The following ZNF475 variants were observed in gnomAD, a reference collection of about 807,000 sequenced individuals.
ZNF475 encodes zinc finger protein 475.
chr5:122,179,871 A>G, the ZNF475 span: 1 of 582,914 alleles, frequency 1.7e-6, no homozygotes, highest in Non-Finnish European at 2.8e-6. Context: ...ACAAATAAGA[A>G]AAACAGTTCT....
At chr5:122,170,234 C>T in the ZNF475 span, among the ~76,000 whole-genome samples, 5 of 152,168 alleles carry the variant, frequency 3.3e-5, no homozygotes, top group South Asian at 2.1e-4. Context: ...CTCTAGTTCT[C>T]CAGACAACTG....
At chr5:122,181,720 A>G in the ZNF475 span, among the ~76,000 whole-genome samples, 1 of 152,214 alleles carries the variant, frequency 6.6e-6, no homozygotes, top group Non-Finnish European at 1.5e-5. Context: ...TGGTTCTAAG[A>G]CATAGTCAAT....
At chr5:122,182,647 C>T in the ZNF475 span, 4 of 1,533,452 alleles carry the variant, frequency 2.6e-6, no homozygotes, top group South Asian at 3.6e-5. Context: ...AAGTAAAGCC[C>T]TTTTCTCTCT....
At chr5:122,173,225 T>C in the ZNF475 span, among the ~76,000 whole-genome samples, 1 of 152,228 alleles carries the variant, frequency 6.6e-6, no homozygotes, top group African/African-American at 2.4e-5. Flanking sequence ...ATATTAGTTA[T>C]TGAGTTGTGT....
chr5:122,166,613 A>T, the ZNF475 span, among the ~76,000 whole-genome samples: 4 of 151,900 alleles, frequency 2.6e-5, no homozygotes, highest in African/African-American at 9.7e-5. Flanking sequence ...TGTCCTTGTG[A>T]TTGCTGAAAA....
At chr5:122,167,788 T>G in the ZNF475 span, among the ~76,000 whole-genome samples, 1 of 152,212 alleles carries the variant, frequency 6.6e-6, no homozygotes, top group African/African-American at 2.4e-5. Flanking sequence ...TTCCAAAATT[T>G]CTTATATTCC....
chr5:122,168,632 G>T, the ZNF475 span, among the ~76,000 whole-genome samples: 1 of 152,228 alleles, frequency 6.6e-6, no homozygotes, highest in Non-Finnish European at 1.5e-5. Context: ...AGAATGGCGT[G>T]AACCCAGGAG....
the ZNF475 span, among the ~76,000 whole-genome samples, chr5:122,174,641 C>T: frequency 6.6e-6 from 1 of 152,272 alleles, no homozygotes; most frequent in East Asian, 1.9e-4. Flanking sequence ...CAGTATGTGT[C>T]TTCTGACCTC....
At chr5:122,179,875 C>A in the ZNF475 span, 1 of 573,422 alleles carries the variant, frequency 1.7e-6, no homozygotes, top group Non-Finnish European at 2.9e-6. Context: ...ATAAGAAAAA[C>A]AGTTCTGAAA....
At chr5:122,179,669 C>T in the ZNF475 span, 2 of 1,534,886 alleles carry the variant, frequency 1.3e-6, no homozygotes, top group Non-Finnish European at 1.7e-6. Context: ...ATGAAAACAA[C>T]TTGTTGCCTA....
At chr5:122,175,691 T>G in the ZNF475 span, among the ~76,000 whole-genome samples, 1 of 152,142 alleles carries the variant, frequency 6.6e-6, no homozygotes, top group South Asian at 2.1e-4. Context: ...CTTTTCCCTT[T>G]CTCTAACTTT....
At chr5:122,163,029 C>T in the ZNF475 span, 3 of 152,330 alleles carry the variant, frequency 2.0e-5, no homozygotes, top group East Asian at 5.8e-4. Flanking sequence ...ACAGTTAAAT[C>T]AAATACCTTT....
the ZNF475 span, among the ~76,000 whole-genome samples, chr5:122,176,965 A>C: frequency 6.6e-6 from 1 of 152,158 alleles, no homozygotes; most frequent in Non-Finnish European, 1.5e-5. Context: ...TAACTCTCCC[A>C]TAGATTTGGT....
the ZNF475 span, chr5:122,179,571 C>G: frequency 6.6e-7 from 1 of 1,518,904 alleles, no homozygotes; most frequent in Non-Finnish European, 8.8e-7. Context: ...ACGGCGTCCA[C>G]CAGCAGTTGT....
the ZNF475 span, among the ~76,000 whole-genome samples, chr5:122,179,226 C>CT: frequency 6.6e-6 from 1 of 152,012 alleles, no homozygotes; most frequent in Non-Finnish European, 1.5e-5. Flanking sequence ...TATACGAGCT[C>CT]TTTTTTTGGT....
the ZNF475 span, among the ~76,000 whole-genome samples, chr5:122,168,211 A>G: frequency 6.6e-6 from 1 of 152,004 alleles, no homozygotes; most frequent in East Asian, 1.9e-4. Flanking sequence ...TGCCCAGCTA[A>G]TTTTTGTATT....
chr5:122,173,270 A>G, the ZNF475 span, among the ~76,000 whole-genome samples: 1 of 152,204 alleles, frequency 6.6e-6, no homozygotes, highest in Non-Finnish European at 1.5e-5. Context: ...CTGTGCTATC[A>G]GAGAGGTCAT....
the ZNF475 span, among the ~76,000 whole-genome samples, chr5:122,177,830 T>C: frequency 6.6e-6 from 1 of 152,162 alleles, no homozygotes; most frequent in South Asian, 2.1e-4. Context: ...CGTGCTATTG[T>C]GGTTTGCTGC....
the ZNF475 span, among the ~76,000 whole-genome samples, chr5:122,168,043 G>T: frequency 6.6e-6 from 1 of 152,078 alleles, no homozygotes; most frequent in Non-Finnish European, 1.5e-5. Context: ...TTCGTGTTTT[G>T]TTTTGTTCTT....
Sources: allele counts gnomAD v4.1 joint callset (sites outside exome capture counted in the v4.1 genomes callset), GRCh38; gene constraint gnomAD v4.1.1; transcripts MANE v1.5; gene names NCBI Gene and HGNC (gene_info 2026-07-23, HGNC 2026-07-21).